Variants in SYMPK observed in about 807,000 individuals in gnomAD.
SYMPK encodes the protein symplekin.
SYMPK carries 49 observed loss-of-function variants against 136.4 expected under a neutral mutation model. The ratio of observed to expected loss-of-function variants is 0.36; its 90% CI spans 0.29 to 0.46. The LOEUF (loss-of-function observed/expected upper bound fraction) is 0.46, where lower values mean the gene tolerates loss of function less well. Among genes scored for constraint, SYMPK ranks in the 20% least tolerant of loss-of-function variants. The probability of loss-of-function intolerance (pLI) is 1.00; values close to 1 mark genes in which losing one functional copy is unlikely to be tolerated. For synonymous variants in SYMPK, 766 were observed against 713.0 expected (o/e 1.07, Z -1.19); for missense variants, 1,365 against 1,690.0 (o/e 0.81, Z 3.37).
Position 45,830,190 on chromosome 19 carries a change from C to A in SYMPK, c.1613G>T (p.Gly538Val). ...GAGACGGAAAATTTTCTTGCGCCCA[C>A]CAGCGCCTGCCAGCCTGTGTGGAAG... ...PVTQPRLAGA[G>V]GRKKIFRLSD... is the part of the protein sequence containing the mutation. Residue 538 changes from glycine to valine, a missense_variant, in exon 13 of 27, where the codon GGT becomes GTT. Physicochemically the swap from Gly to Val is moderately radical, Grantham distance 109 (BLOSUM62 -3). This residue lies in a region of SYMPK where 303 missense variants were observed against 326.6 expected (regional missense o/e 0.93). Coordinates refer to ENST00000245934, the MANE Select transcript of SYMPK (RefSeq NM_004819.3). 6.2e-7 allele frequency: 1 copy of A among 1,610,036 alleles called. No homozygotes were observed. Among genetic ancestry groups the A allele is most frequent in the Non-Finnish European group, 8.5e-7 (1 of 1,177,934 alleles).
Position 45,828,871 on chromosome 19 carries a change from G to C in SYMPK, c.1985+99C>G, listed in dbSNP as rs570186908. 1,129 of 1,181,958 alleles carry C rather than the reference G, an allele frequency of 9.6e-4. 9 individuals carry two copies. The African/African-American group carries it at 0.015, about 16-fold the overall frequency. 73.2% of individuals were successfully genotyped at this position (1,181,958 alleles called of 1,614,324 possible). On this transcript the variant is annotated intron_variant, in intron 14 of 26. Transcript: ENST00000245934. ...ATGGGTGCGAGGAGGACTGACTCGG[G>C]GGGTGACGAAGAGGGAGGTGGTCGC...
intron 18 of SYMPK, 181 bp from the exon 19 acceptor site, chr19:45,824,056 C>G: frequency 3.9e-6 from 2 of 507,652 alleles, no homozygotes; most frequent in Non-Finnish European, 7.2e-6. Flanking sequence ...TGGCATCTCC[C>G]TGCAGCTCCT....
intron 7 of SYMPK, among the ~76,000 whole-genome samples, chr19:45,845,193 A>G (rs898227142): frequency 1.1e-4 from 16 of 151,208 alleles, no homozygotes; most frequent in African/African-American, 3.4e-4. Context: ...GCTCACTGCA[A>G]CCTCCACCAC....
intron 18 of SYMPK, chr19:45,824,252 G>C (rs756356643): frequency 8.9e-6 from 2 of 224,222 alleles, no homozygotes; most frequent in East Asian, 1.3e-4. Flanking sequence ...GCTTGGCTGC[G>C]AGCCCAGACC....
At chr19:45,831,358 G>T in intron 12 of SYMPK, 26 bp downstream of exon 12, 4 of 1,499,788 alleles carry the variant, frequency 2.7e-6, no homozygotes, top group South Asian at 1.3e-5. Flanking sequence ...CTCCTGTCCT[G>T]CCCTAGCACC....
At chr19:45,845,071 T>C (rs781321389) in intron 7 of SYMPK, among the ~76,000 whole-genome samples, 1 of 152,180 alleles carries the variant, frequency 6.6e-6, no homozygotes, top group Non-Finnish European at 1.5e-5. Context: ...AATGTATGAT[T>C]ATTTTTTAGT....
rs376745480 is a variant in SYMPK, at chr19:45,817,234, A to C, written c.3082-260T>G. ...CCAGAGCTCCCCCTGGGCCAGGCCC[A>C]GGCTAAGTGCTGCGGGAGCACCTCT... On this transcript the variant is annotated intron_variant, in intron 23 of 26. Coordinates refer to ENST00000245934, the MANE Select transcript of SYMPK (RefSeq NM_004819.3). The C allele has an allele frequency of 2.5e-5, 12 of 478,160 alleles. No individual in the cohort carries two copies. The East Asian group carries it at 4.0e-4, about 16-fold the overall frequency. The allele number at this position is 478,160 out of a possible 1,614,324, so 29.6% of individuals were successfully genotyped here.
chr19:45,852,300 C>T lies in SYMPK; in HGVS notation c.299+12G>A. On this transcript the variant is annotated intron_variant, in intron 5 of 26. Coordinates refer to ENST00000245934, the MANE Select transcript of SYMPK (RefSeq NM_004819.3). Reference sequence around the variant, plus strand: ...TGAGAATGCTCCCGGGGCTCCGTGCCTCGCCCCATACCATGCCTCCTCGAT... The same window carrying T: ...TGAGAATGCTCCCGGGGCTCCGTGCTTCGCCCCATACCATGCCTCCTCGAT... 1 of 1,614,184 alleles carries T rather than the reference C, an allele frequency of 6.2e-7. No individual in the cohort carries two copies. The highest frequency in any genetic ancestry group is 8.5e-7 in the Non-Finnish European group (1 of 1,180,006).
chr19:45,817,320 C>A (rs1006398431), intron 23 of SYMPK, among the ~76,000 whole-genome samples: 1 of 151,356 alleles, frequency 6.6e-6, no homozygotes, highest in Non-Finnish European at 1.5e-5. Context: ...AGCGGAGGTC[C>A]GTGCCGGTGC....
intron 11 of SYMPK, among the ~76,000 whole-genome samples, chr19:45,833,522 A>G (rs1434774560): frequency 6.6e-6 from 1 of 152,028 alleles, no homozygotes; most frequent in Non-Finnish European, 1.5e-5. Context: ...GAATGGCGTG[A>G]ACCCAGGAGG....
intron 10 of SYMPK, among the ~76,000 whole-genome samples, chr19:45,835,918 A>G (rs74934439): frequency 1.6e-5 from 1 of 61,804 alleles, no homozygotes; most frequent in Non-Finnish European, 3.5e-5. Flanking sequence ...TCTCATTCAT[A>G]AAGAAAGAAA....
At chr19:45,820,993 A>T in intron 22 of SYMPK, 1 of 591,296 alleles carries the variant, frequency 1.7e-6, no homozygotes, top group Non-Finnish European at 3.0e-6. Flanking sequence ...CCTGGCCCAC[A>T]AGTGCCCTGG....
At chr19:45,861,768 A>C (rs1971973184) in intron 1 of SYMPK, 1 of 150,710 alleles carries the variant, frequency 6.6e-6, no homozygotes, top group Non-Finnish European at 1.5e-5. Flanking sequence ...ACACAGGCCG[A>C]GTTTGGTGGC....
At chr19:45,817,123 C>G (rs1370318345) in intron 23 of SYMPK, 149 bp from the exon 24 acceptor site, 20 of 759,448 alleles carry the variant, frequency 2.6e-5, no homozygotes, top group Non-Finnish European at 3.7e-5. Flanking sequence ...CGACCTCCCT[C>G]CAGAGGCCTT....
intron 23 of SYMPK, 73 bp from the exon 24 acceptor site, chr19:45,817,047 G>A (rs947438068): frequency 1.4e-6 from 2 of 1,468,132 alleles, no homozygotes; most frequent in Admixed American, 2.4e-5. Flanking sequence ...CTGGGAGAAA[G>A]ACCTTGCCAA....
chr19:45,828,131 T>C, intron 14 of SYMPK: 1 of 533,694 alleles, frequency 1.9e-6, no homozygotes, highest in Non-Finnish European at 3.4e-6. Flanking sequence ...CTGAAACTCA[T>C]TTCTTCCGTT....
Position 45,822,758 on chromosome 19 carries a change from T to A in SYMPK, c.2789A>T (p.His930Leu). 2 of 1,613,918 alleles carry A rather than the reference T, an allele frequency of 1.2e-6. No homozygotes were observed. The highest frequency in any genetic ancestry group is 1.7e-6 in the Non-Finnish European group (2 of 1,179,894). The change falls in exon 21 of 27, where the codon CAT becomes CTT. Residue 930 changes from histidine (H) to leucine (L), a missense_variant and splice_region_variant. This residue lies in a region of SYMPK where 156 missense variants were observed against 217.8 expected (regional missense o/e 0.72). Coordinates refer to ENST00000245934, the MANE Select transcript of SYMPK (RefSeq NM_004819.3). ...EVFNRLLGTQ[H>L]GEGNSALSPL... ...GGGGATGAGGCTGCATCACCTACCA[T>A]GCTGGGTGCCCAGCAGGCGGTTGAA...
chr19:45,848,024 T>C, intron 6 of SYMPK, 23 bp from the exon 7 acceptor site: 2 of 1,556,022 alleles, frequency 1.3e-6, no homozygotes, highest in Non-Finnish European at 8.7e-7. Flanking sequence ...CAGGAAGGAA[T>C]GGAAGAGACA....
chr19:45,832,089 C>T (rs993869518), intron 11 of SYMPK, among the ~76,000 whole-genome samples: 14 of 152,196 alleles, frequency 9.2e-5, no homozygotes, highest in South Asian at 2.1e-4. Context: ...GCGATCCTCC[C>T]GCCTTGGACT....
Sources: gnomAD v4.1 joint callset for allele counts (sites outside exome capture counted in the v4.1 genomes callset) on GRCh38, gnomAD v4.1.1 for gene constraint, gnomAD v4.1.1 regional missense constraint, MANE v1.5 for transcripts, NCBI Gene and HGNC (gene_info 2026-07-23, HGNC 2026-07-21) for gene names.